PALD1: variants seen among roughly 807,000 people sequenced by gnomAD.
PALD1 encodes paladin.
Under a neutral mutation model 96.0 loss-of-function variants are expected in PALD1, and 57 were observed. That is an observed-to-expected ratio of 0.59 (90% CI 0.48 to 0.74). The LOEUF (loss-of-function observed/expected upper bound fraction) is 0.74. PALD1 is among the 30% of genes least tolerant of loss of function. The probability of loss-of-function intolerance (pLI) is 0.00; values close to 1 mark genes in which losing one functional copy is unlikely to be tolerated. For synonymous variants in PALD1, 464 were observed against 473.6 expected, an observed-to-expected ratio of 0.98 and a Z score of 0.26; for missense variants, 1,063 against 1,143.7, an observed-to-expected ratio of 0.93 and a Z score of 1.02.
At position 70,541,174 on chromosome 10, in the gene PALD1, T is replaced by G; in HGVS notation, c.1981T>G (p.Cys661Gly). 2 of 1,613,974 alleles carry G rather than the reference T, an allele frequency of 1.2e-6. No individual in the cohort carries two copies. Among genetic ancestry groups the G allele is most frequent in the Non-Finnish European group, 1.7e-6 (2 of 1,179,910 alleles). ...KDPGTGFVFSCLSGQGRTTTA... is the reference protein window; with the variant it reads ...KDPGTGFVFSGLSGQGRTTTA... Reference sequence around the variant, plus strand: ...CCCAGGCACTGGCTTCGTGTTCAGCTGCCTCAGCGGCCAGGGCCGTACCAC... The same window carrying G: ...CCCAGGCACTGGCTTCGTGTTCAGCGGCCTCAGCGGCCAGGGCCGTACCAC... The change falls in exon 16 of 20, where the codon TGC (cysteine) becomes GGC (glycine). Residue 661 changes from cysteine to glycine, a missense_variant. Physicochemically the swap from Cys to Gly is radical, Grantham distance 159. Coordinates refer to ENST00000263563, the MANE Select transcript of PALD1 (RefSeq NM_014431.3).
chr10:70,532,999 C>T lies in PALD1; in HGVS notation c.799C>T (p.His267Tyr). ...CTGCTCTCCCTCACCTGGCAGGTAC[C>T]ACCGCCTGCCCCTGCCCGAGCAAGG... ...PLFLQPTYRY[H>Y]RLPLPEQGSP... The change falls in exon 7 of 20, where the codon CAC (histidine) becomes TAC (tyrosine). Residue 267 changes from histidine to tyrosine, a missense_variant. Transcript: ENST00000263563. The T allele has an allele frequency of 1.3e-6, 2 of 1,576,726 alleles. No homozygotes were observed. Among genetic ancestry groups the T allele is most frequent in the African/African-American group, 1.3e-5 (1 of 74,214 alleles).
the PALD1 span, among the ~76,000 whole-genome samples, chr10:70,467,259 T>C: frequency 6.6e-6 from 1 of 152,026 alleles, no homozygotes; most frequent in Non-Finnish European, 1.5e-5. Context: ...AGGCCTCTTC[T>C]GGTCCTAGAG....
Position 70,539,257 on chromosome 10 carries a change from C to A in PALD1, c.1725+10C>A. Reference sequence around the variant, plus strand: ...TCCTGACCAGCTGGAGGTGAGGCCCCCTGCCCTCTAGGCACCCCTGCCTCC... The same window carrying A: ...TCCTGACCAGCTGGAGGTGAGGCCCACTGCCCTCTAGGCACCCCTGCCTCC... On this transcript the variant is annotated intron_variant, in intron 14 of 19. Transcript: ENST00000263563. This position sits in a 1 kb window ranked among gnomAD's most constrained non-coding sequence, Gnocchi z 4.5. 6.2e-7 allele frequency: 1 copy of A among 1,601,922 alleles called. No homozygotes were observed. Among genetic ancestry groups the A allele is most frequent in the East Asian group, 2.2e-5 (1 of 44,492 alleles).
chr10:70,547,615 C>T (rs1291730601), intron 18 of PALD1, among the ~76,000 whole-genome samples, 169 bp downstream of exon 18: 1 of 152,112 alleles, frequency 6.6e-6, no homozygotes, highest in Non-Finnish European at 1.5e-5. Context: ...ATGAGATGGA[C>T]ACATCCCCAG....
chr10:70,478,400 G>A (rs1411183696), upstream of PALD1, among the ~76,000 whole-genome samples: 1 of 152,218 alleles, frequency 6.6e-6, no homozygotes, highest in African/African-American at 2.4e-5. Context: ...GGGCCAGCGG[G>A]TGTCGCGGGT....
rs751094458 is a variant in PALD1, at chr10:70,529,983, G to C, written c.383G>C (p.Gly128Ala). The C allele has an allele frequency of 6.2e-7, 1 of 1,611,328 alleles. No homozygotes were observed. Among genetic ancestry groups the C allele is most frequent in the Non-Finnish European group, 8.5e-7 (1 of 1,178,738 alleles). ...CGAPNFRQVQGGLTVFGMGQP... is the reference protein window; with the variant it reads ...CGAPNFRQVQAGLTVFGMGQP... ...GCCCCCAACTTCCGGCAGGTGCAGG[G>C]TGGGCTCACTGTGTTCGGCATGGGA... is the stretch of plus-strand genomic sequence containing the variant. Residue 128 changes from glycine to alanine, a missense_variant, in exon 4 of 20, where the codon GGT (glycine) becomes GCT (alanine). Coordinates refer to ENST00000263563, the MANE Select transcript of PALD1 (RefSeq NM_014431.3).
chr10:70,493,614 A>G (rs961246937), intron 1 of PALD1, among the ~76,000 whole-genome samples: 2 of 152,010 alleles, frequency 1.3e-5, no homozygotes, highest in Non-Finnish European at 2.9e-5. Context: ...CACTTCCCCC[A>G]AGTCTGGCCC....
At chr10:70,547,262 T>C (rs1318926841) in intron 17 of PALD1, 44 bp from the exon 18 acceptor site, 9 of 1,598,514 alleles carry the variant, frequency 5.6e-6, no homozygotes, top group Non-Finnish European at 7.7e-6. Context: ...GGCTGAGGGC[T>C]CTTACCAGTT....
chr10:70,481,920 AT>A (rs1209630323), intron 1 of PALD1, among the ~76,000 whole-genome samples: 1 of 152,228 alleles, frequency 6.6e-6, no homozygotes, highest in East Asian at 1.9e-4. Context: ...CAATTAATGT[AT>A]TGGTTTCCTC....
At chr10:70,561,854 C>T (rs1396125770) in intron 18 of PALD1, among the ~76,000 whole-genome samples, 1 of 152,222 alleles carries the variant, frequency 6.6e-6, no homozygotes, top group East Asian at 1.9e-4. Flanking sequence ...ACCATTCTGC[C>T]TCCTCTCTGT....
Position 70,525,920 on chromosome 10 carries a change from C to A in PALD1, c.-29-3C>A. On this transcript the variant is annotated splice_polypyrimidine_tract_variant and splice_region_variant and intron_variant, in intron 1 of 19. Transcript: ENST00000263563. ...CTTCACTGCACACCCTCTTATCCTA[C>A]AGGTCTGGGGTCCTGAGGCTGCTGG... is the stretch of plus-strand genomic sequence containing the variant. The A allele has an allele frequency of 6.2e-7, 1 of 1,612,272 alleles. No individual in the cohort carries two copies. The highest frequency in any genetic ancestry group is 8.5e-7 in the Non-Finnish European group (1 of 1,179,034).
chr10:70,520,380 G>C (rs58914900), intron 1 of PALD1, among the ~76,000 whole-genome samples: 5,818 of 152,280 alleles, frequency 0.038, 366 homozygotes, highest in African/African-American at 0.13. Context: ...ATTTCCCCCA[G>C]AACCATACAC....
Position 70,547,457 on chromosome 10 carries a change from A to AACCCCCCCCCCC in PALD1, c.2262+11_2262+12insACCCCCCCCCCC. 9.8e-7 allele frequency: 1 copy of AACCCCCCCCCCC among 1,016,494 alleles called. No individual in the cohort carries two copies. The highest frequency in any genetic ancestry group is 1.4e-6 in the Non-Finnish European group (1 of 730,204). The allele number at this position is 1,016,494 out of a possible 1,614,324, so 63.0% of individuals were successfully genotyped here. ...TGCACCTACCGCCAGGTGAGCCCCCACCCCACCCCACCCCACCCTGCCCCA... is the reference window on the plus strand; with the variant it reads ...TGCACCTACCGCCAGGTGAGCCCCCAACCCCCCCCCCCCCCCACCCCACCCCACCCTGCCCCA... On this transcript the variant is annotated intron_variant, in intron 18 of 19. Coordinates refer to ENST00000263563, the MANE Select transcript of PALD1 (RefSeq NM_014431.3).
chr10:70,513,686 A>G (rs1380283093), intron 1 of PALD1, among the ~76,000 whole-genome samples: 1 of 152,182 alleles, frequency 6.6e-6, no homozygotes, highest in African/African-American at 2.4e-5. Flanking sequence ...TTTAGCCACA[A>G]TCTGAGGATG....
chr10:70,519,974 T>C (rs941959129), intron 1 of PALD1, among the ~76,000 whole-genome samples: 1 of 152,086 alleles, frequency 6.6e-6, no homozygotes, highest in East Asian at 1.9e-4. Flanking sequence ...AATCTGCTTT[T>C]TGGGGGATAC....
rs138666185 is a variant in PALD1 at position 70,564,457 on chromosome 10, G to A, written c.2356G>A (p.Ala786Thr). Residue 786 changes from alanine (A) to threonine (T), a missense_variant, in exon 19 of 20, where the codon GCG becomes ACG. Coordinates refer to ENST00000263563, the MANE Select transcript of PALD1 (RefSeq NM_014431.3). Reference sequence around the variant, plus strand: ...CTATGTCTGCCTGATTCTCTTCAACGCGTACCTCCACCTGGAGAAGGCCGA... The same window carrying A: ...CTATGTCTGCCTGATTCTCTTCAACACGTACCTCCACCTGGAGAAGGCCGA... ...ERYVCLILFN[A>T]YLHLEKADSW... 95 of 1,614,020 alleles carry A rather than the reference G, an allele frequency of 5.9e-5. No individual in the cohort carries two copies. Among genetic ancestry groups the A allele is most frequent in the Middle Eastern group, 4.9e-4 (3 of 6,084 alleles).
rs760096524 is a variant in PALD1, at chr10:70,539,639, C to T, written c.1785C>T (p.Pro595=). 1.9e-6 allele frequency: 3 copies of T among 1,613,626 alleles called. No individual in the cohort carries two copies. Among genetic ancestry groups the T allele is most frequent in the East Asian group, 2.2e-5 (1 of 44,886 alleles). ...LSEPPPGKEG[P]LTYRFQTCLT... ...AGCCTCCCCCAGGCAAGGAGGGCCC[C>T]CTGACCTACAGGTTCCAGACCTGCC... is the stretch of plus-strand genomic sequence containing the variant. Residue 595 remains proline, a synonymous_variant, in exon 15 of 20, where the codon CCC becomes CCT. Coordinates refer to ENST00000263563, the MANE Select transcript of PALD1 (RefSeq NM_014431.3). The surrounding 1 kb of genome is among the most constrained non-coding windows in gnomAD (Gnocchi z 4.5).
chr10:70,475,177 ATGG>A (rs1182785713), upstream of PALD1, among the ~76,000 whole-genome samples: 1 of 152,242 alleles, frequency 6.6e-6, no homozygotes, highest in Non-Finnish European at 1.5e-5. Context: ...TAGGGGTCAC[ATGG>A]TGGTAAAGTT....
chr10:70,561,629 G>T (rs115201707), intron 18 of PALD1, among the ~76,000 whole-genome samples: 4 of 152,056 alleles, frequency 2.6e-5, no homozygotes, highest in Non-Finnish European at 5.9e-5. Flanking sequence ...GGCCATTCCC[G>T]CCCTCAAATC....
Sources: gnomAD v4.1 joint callset for allele counts (sites outside exome capture counted in the v4.1 genomes callset) on GRCh38, gnomAD v4.1.1 for gene constraint, Gnocchi (gnomAD v3.1) non-coding constraint, MANE v1.5 for transcripts, NCBI Gene and HGNC (gene_info 2026-07-23, HGNC 2026-07-21) for gene names.